NTM: variants seen among roughly 807,000 people sequenced by gnomAD.
The protein encoded by NTM is neurotrimin.
NTM carries 13 observed loss-of-function variants against 42.1 expected under a neutral mutation model. The observed-to-expected ratio is 0.31, with a 90% CI of 0.20 to 0.49. The LOEUF (loss-of-function observed/expected upper bound fraction) is 0.49. Among genes scored for constraint, NTM ranks in the 20% least tolerant of loss-of-function variants. The probability of loss-of-function intolerance (pLI) is 0.99; values close to 1 mark genes in which losing one functional copy is unlikely to be tolerated. For synonymous variants in NTM, 187 were observed against 179.2 expected (o/e 1.04, Z -0.35); for missense variants, 373 against 452.8 (o/e 0.82, Z 1.60).
At chr11:132,296,849 G>T (rs2094629475) in intron 4 of NTM, among the ~76,000 whole-genome samples, 1 of 152,250 alleles carries the variant, frequency 6.6e-6, no homozygotes. Context: ...GCATTCAAAA[G>T]TAAGTGGGCA....
intron 1 of NTM, among the ~76,000 whole-genome samples, chr11:131,695,639 G>C (rs2075354073): frequency 6.6e-6 from 1 of 152,148 alleles, no homozygotes; most frequent in South Asian, 2.1e-4. Flanking sequence ...TCTGTGAATA[G>C]AGCATGTTTA....
At chr11:131,835,762 A>C (rs1384327062) in intron 1 of NTM, among the ~76,000 whole-genome samples, 1 of 152,208 alleles carries the variant, frequency 6.6e-6, no homozygotes, top group Non-Finnish European at 1.5e-5. Flanking sequence ...AAGACATTTT[A>C]CAAAAGTGTT....
At chr11:131,711,095 A>G (rs548909505) in intron 1 of NTM, among the ~76,000 whole-genome samples, 31 of 152,206 alleles carry the variant, frequency 2.0e-4, no homozygotes, top group Non-Finnish European at 4.4e-4. Flanking sequence ...CTAAAACACC[A>G]AAAGCAATGG....
chr11:132,118,479 G>A (rs2136885268), intron 2 of NTM, among the ~76,000 whole-genome samples: 1 of 152,316 alleles, frequency 6.6e-6, no homozygotes, highest in South Asian at 2.1e-4. Flanking sequence ...GCAAGGTGGA[G>A]GTGTTTTCAT....
intron 1 of NTM, among the ~76,000 whole-genome samples, chr11:131,666,969 G>A (rs1437438268): frequency 6.6e-6 from 1 of 152,208 alleles, no homozygotes; most frequent in Non-Finnish European, 1.5e-5. Flanking sequence ...GCCGTGCAGT[G>A]TTCTCTAAGG....
At chr11:131,929,521 C>T (rs776803534) in intron 2 of NTM, among the ~76,000 whole-genome samples, 5 of 150,906 alleles carry the variant, frequency 3.3e-5, no homozygotes, top group South Asian at 2.1e-4. Flanking sequence ...TTTTTGTATA[C>T]GGCAAAGGCT....
At chr11:131,530,204 TG>T (rs2051054258) in intron 1 of NTM, among the ~76,000 whole-genome samples, 1 of 152,176 alleles carries the variant, frequency 6.6e-6, no homozygotes, top group African/African-American at 2.4e-5. Context: ...GCACAGGGCA[TG>T]GTGCTTAGTA....
At chr11:131,968,739 T>G in intron 2 of NTM, among the ~76,000 whole-genome samples, 1 of 152,172 alleles carries the variant, frequency 6.6e-6, no homozygotes, top group Non-Finnish European at 1.5e-5. Flanking sequence ...GATAATTCCT[T>G]TTTCACTTTT....
chr11:132,046,786 C>T (rs2078065634), intron 2 of NTM, among the ~76,000 whole-genome samples: 1 of 152,164 alleles, frequency 6.6e-6, no homozygotes, highest in Admixed American at 6.5e-5. Flanking sequence ...CACAGCTGAG[C>T]ACTGGCTTTA....
chr11:132,056,976 G>A (rs2079788164), intron 2 of NTM, among the ~76,000 whole-genome samples: 1 of 152,196 alleles, frequency 6.6e-6, no homozygotes, highest in Admixed American at 6.5e-5. Context: ...TTGTCGTATA[G>A]CAGTGTTAGT....
intron 2 of NTM, among the ~76,000 whole-genome samples, chr11:132,060,928 A>G (rs1397757778): frequency 2.6e-5 from 4 of 152,238 alleles, no homozygotes; most frequent in Non-Finnish European, 1.5e-5. Context: ...AAAAGCAAAC[A>G]CTTTTGCTAT....
chr11:131,939,602 A>G (rs1207664475), intron 2 of NTM, among the ~76,000 whole-genome samples: 1 of 152,110 alleles, frequency 6.6e-6, no homozygotes, highest in African/African-American at 2.4e-5. Context: ...GTAGAGTACA[A>G]GCAGAGGGCT....
At chr11:131,378,786 A>G (rs1374487527) in intron 1 of NTM, among the ~76,000 whole-genome samples, 4 of 152,152 alleles carry the variant, frequency 2.6e-5, no homozygotes, top group Non-Finnish European at 5.9e-5. Context: ...TGAGAATTAC[A>G]TATTTCTCTT....
chr11:131,710,609 A>G (rs538577333), intron 1 of NTM, among the ~76,000 whole-genome samples: 2 of 152,288 alleles, frequency 1.3e-5, no homozygotes, highest in African/African-American at 4.8e-5. Flanking sequence ...TGGTTTTCAA[A>G]GTGTAATACC....
intron 1 of NTM, among the ~76,000 whole-genome samples, chr11:131,854,382 A>G (rs2045900933): frequency 6.6e-6 from 1 of 152,270 alleles, no homozygotes; most frequent in African/African-American, 2.4e-5. Context: ...AGCACTGTAT[A>G]GACAATAAAG....
intron 1 of NTM, among the ~76,000 whole-genome samples, chr11:131,577,618 G>C (rs569495666): frequency 2.6e-5 from 4 of 152,194 alleles, no homozygotes; most frequent in Non-Finnish European, 5.9e-5. Flanking sequence ...TTCTTGGAAC[G>C]AAAGTGGCTA....
intron 2 of NTM, among the ~76,000 whole-genome samples, chr11:132,033,161 G>A (rs886997847): frequency 3.3e-5 from 5 of 152,106 alleles, no homozygotes; most frequent in African/African-American, 9.7e-5. Context: ...TCATGGCTGC[G>A]GGCAAGTAGC....
chr11:131,474,836 C>T (rs1011281137), intron 1 of NTM, among the ~76,000 whole-genome samples: 1 of 152,124 alleles, frequency 6.6e-6, no homozygotes, highest in African/African-American at 2.4e-5. Flanking sequence ...CATACTGCTC[C>T]CAAAGCAATG....
chr11:131,636,122 T>G (rs919361427), intron 1 of NTM, among the ~76,000 whole-genome samples: 19 of 152,116 alleles, frequency 1.2e-4, no homozygotes, highest in African/African-American at 4.6e-4. Flanking sequence ...GCCCCTAACC[T>G]CCTCCATTTC....
Sources: allele counts gnomAD v4.1 joint callset (sites outside exome capture counted in the v4.1 genomes callset), GRCh38; gene constraint gnomAD v4.1.1; transcripts MANE v1.5; gene names NCBI Gene and HGNC (gene_info 2026-07-23, HGNC 2026-07-21).